ANK2: variants seen among roughly 807,000 people sequenced by gnomAD.
The protein encoded by ANK2 is ankyrin-2.
In ANK2, 83 loss-of-function variants were observed where a neutral mutation model predicts 360.5. The ratio of observed to expected loss-of-function variants is 0.23; its 90% confidence interval spans 0.19 to 0.28. The LOEUF (loss-of-function observed/expected upper bound fraction) is 0.28, where lower values mean the gene tolerates loss of function less well. Among genes scored for constraint, ANK2 ranks in the 10% least tolerant of loss-of-function variants. ANK2 has a pLI of 1.00. For missense variants in ANK2, 4,201 were observed against 4,795.7 expected (o/e 0.88, Z 3.66); for synonymous variants, 1,740 against 1,759.5 (o/e 0.99, Z 0.28).
At chr4:113,250,655 A>T (rs1320730876) in intron 10 of ANK2, among the ~76,000 whole-genome samples, 1 of 151,784 alleles carries the variant, frequency 6.6e-6, no homozygotes, top group Non-Finnish European at 1.5e-5. Context: ...AGAGCTGATT[A>T]ATGTGATATG....
At chr4:113,031,747 G>A (rs2060458838) in intron 2 of ANK2, among the ~76,000 whole-genome samples, 1 of 151,988 alleles carries the variant, frequency 6.6e-6, no homozygotes, top group Non-Finnish European at 1.5e-5. Context: ...CAAGAATTGA[G>A]AAATCCCATC....
chr4:113,352,012 C>T (rs2095442542), intron 37 of ANK2, among the ~76,000 whole-genome samples: 1 of 152,170 alleles, frequency 6.6e-6, no homozygotes. Context: ...CCTCAATATA[C>T]CACCTTCAGC....
At chr4:112,715,153 A>G in the ANK2 span, among the ~76,000 whole-genome samples, 1 of 152,178 alleles carries the variant, frequency 6.6e-6, no homozygotes, top group Non-Finnish European at 1.5e-5. Flanking sequence ...GGTGTCAGCT[A>G]GAACACCTAT....
rs1240686639 is a variant in ANK2 at position 113,091,689 on chromosome 4, AAT to A, written c.84+41878_84+41879del. 5.7e-4 allele frequency among the ~76,000 whole-genome samples: 87 copies of A among 152,340 alleles called. 1 individual carries two copies. The highest frequency in any genetic ancestry group is 2.8e-4 in the Non-Finnish European group (19 of 68,030). Reference sequence around the variant, plus strand: ...AGATATCCCCACTTTTAGATGAGAAAATTGAGGCATGGATAGGGGATTAAATT... The same window carrying A: ...AGATATCCCCACTTTTAGATGAGAAATGAGGCATGGATAGGGGATTAAATT... On this transcript the variant is annotated intron_variant, in intron 1 of 45. Transcript: ENST00000357077.
intron 1 of ANK2, among the ~76,000 whole-genome samples, chr4:113,097,879 C>T (rs1275955921): frequency 0.024 from 1,377 of 57,822 alleles, 15 homozygotes; most frequent in South Asian, 0.062. Flanking sequence ...TATATATGCA[C>T]ACACACACAC....
the ANK2 span, among the ~76,000 whole-genome samples, chr4:112,739,685 G>A: frequency 2.0e-5 from 3 of 152,090 alleles, no homozygotes; most frequent in Non-Finnish European, 4.4e-5. Flanking sequence ...CCTTAGATGG[G>A]GGAGGGAGAA....
At chr4:112,970,453 C>T (rs754692416) in intron 2 of ANK2, among the ~76,000 whole-genome samples, 15 of 152,112 alleles carry the variant, frequency 9.9e-5, no homozygotes, top group Non-Finnish European at 2.1e-4. Flanking sequence ...CTCCCGGCTT[C>T]AAGCAATTCT....
chr4:112,911,063 T>A (rs867068463), intron 2 of ANK2, among the ~76,000 whole-genome samples: 6 of 150,220 alleles, frequency 4.0e-5, no homozygotes, highest in Non-Finnish European at 7.4e-5. Flanking sequence ...GTTCAAGCAA[T>A]TCTCCTGCCT....
intron 35 of ANK2, among the ~76,000 whole-genome samples, chr4:113,346,346 T>A (rs1305530076): frequency 6.6e-6 from 1 of 152,170 alleles, no homozygotes; most frequent in African/African-American, 2.4e-5. Flanking sequence ...AAGAAATTTT[T>A]AAAACTAATT....
At chr4:113,006,097 A>G (rs2052748766) in intron 2 of ANK2, among the ~76,000 whole-genome samples, 1 of 152,160 alleles carries the variant, frequency 6.6e-6, no homozygotes, top group African/African-American at 2.4e-5. Flanking sequence ...CACAGAATGG[A>G]CTAACACATA....
At chr4:112,712,541 A>G in the ANK2 span, among the ~76,000 whole-genome samples, 30 of 149,974 alleles carry the variant, frequency 2.0e-4, no homozygotes, top group African/African-American at 4.6e-4. Flanking sequence ...CCAAGTGGCT[A>G]GGACTACAGG....
intron 1 of ANK2, among the ~76,000 whole-genome samples, chr4:113,059,981 A>G (rs781392189): frequency 3.9e-5 from 6 of 152,166 alleles, no homozygotes; most frequent in Admixed American, 6.6e-5. Flanking sequence ...GACACAGCAA[A>G]GCAGAGTACT....
chr4:113,168,080 G>C (rs1415146623), intron 1 of ANK2, among the ~76,000 whole-genome samples: 1 of 152,174 alleles, frequency 6.6e-6, no homozygotes, highest in Non-Finnish European at 1.5e-5. Flanking sequence ...TTGGTATGCT[G>C]TAGGTGGTTC....
intron 2 of ANK2, among the ~76,000 whole-genome samples, chr4:113,008,962 A>G (rs1438266590): frequency 1.3e-5 from 2 of 152,050 alleles, no homozygotes; most frequent in Non-Finnish European, 2.9e-5. Context: ...CAGCTGCTTC[A>G]CTCGTGGGGC....
Position 113,353,576 on chromosome 4 carries a change from A to G in ANK2, c.4958A>G (p.Glu1653Gly). The G allele has an allele frequency of 1.2e-6, 2 of 1,614,022 alleles. No homozygotes were observed. The highest frequency in any genetic ancestry group is 1.1e-5 in the South Asian group (1 of 91,082). Reference protein sequence around the residue: ...DLNTCVPLPKEQLQTVQDKAG... With the variant: ...DLNTCVPLPKGQLQTVQDKAG... ...AATACCTGTGTGCCTCTTCCCAAAG[A>G]GCAGCTGCAGACAGTTCAAGATAAG... is the stretch of plus-strand genomic sequence containing the variant. The change falls in exon 38 of 46, where the codon GAG (glutamate) becomes GGG (glycine). Residue 1653 changes from glutamate to glycine, a missense_variant. Physicochemically the swap from Glu to Gly is moderately conservative, Grantham distance 98. Coordinates refer to ENST00000357077, the MANE Select transcript of ANK2 (RefSeq NM_001148.6).
intron 2 of ANK2, among the ~76,000 whole-genome samples, chr4:112,971,521 C>T (rs1390346244): frequency 1.3e-5 from 2 of 152,112 alleles, no homozygotes; most frequent in African/African-American, 4.8e-5. Flanking sequence ...GCTATAAGGG[C>T]ATATTGTAAT....
intron 9 of ANK2, among the ~76,000 whole-genome samples, chr4:113,246,249 C>T (rs1442681540): frequency 2.0e-5 from 3 of 152,062 alleles, no homozygotes; most frequent in East Asian, 1.9e-4. Context: ...TTTTCTCATT[C>T]ATAAGGTTTT....
chr4:113,307,471 A>G lies in ANK2; in HGVS notation c.2549-3784A>G, dbSNP rs192217322. ...CACTCTGTCGCCCAGGCTGGAGTGC[A>G]GTGGTGTGATCTTAGCTCACTGCAA... On this transcript the variant is annotated intron_variant, in intron 23 of 45. Transcript: ENST00000357077. Among the ~76,000 whole-genome samples, 199 of 133,904 alleles carry G rather than the reference A, an allele frequency of 1.5e-3. 5 individuals carry two copies. The highest frequency in any genetic ancestry group is 2.6e-4 in the Non-Finnish European group (17 of 65,612). 87.8% of individuals were successfully genotyped at this position (133,904 alleles called of 152,430 possible).
chr4:113,363,943 A>G (rs2154050010), intron 40 of ANK2, among the ~76,000 whole-genome samples: 1 of 152,336 alleles, frequency 6.6e-6, no homozygotes, highest in African/African-American at 2.4e-5. Flanking sequence ...AAAAGAATGA[A>G]TGAATTGATA....
Sources: gnomAD v4.1 joint callset for allele counts (sites outside exome capture counted in the v4.1 genomes callset) on GRCh38, gnomAD v4.1.1 for gene constraint, MANE v1.5 for transcripts, NCBI Gene and HGNC (gene_info 2026-07-23, HGNC 2026-07-21) for gene names.